The following ELL variants were observed in gnomAD, a reference collection of about 807,000 sequenced individuals.
ELL encodes elongation factor for RNA polymerase II, also known as RNA polymerase II elongation factor ELL.
ELL carries 18 observed loss-of-function variants against 64.0 expected under a neutral mutation model. The ratio of observed to expected loss-of-function variants is 0.28; its 90% CI spans 0.19 to 0.42. The LOEUF is 0.42. Among genes scored for constraint, ELL ranks in the 10% least tolerant of loss-of-function variants. The probability of loss-of-function intolerance (pLI) is 1.00; values close to 1 mark genes in which losing one functional copy is unlikely to be tolerated. For missense variants in ELL, 797 were observed against 870.4 expected (o/e 0.92, Z 1.06); for synonymous variants, 399 against 376.2 (o/e 1.06, Z -0.70).
At chr19:18,498,873 C>G (rs561669667) in intron 1 of ELL, among the ~76,000 whole-genome samples, 1 of 152,154 alleles carries the variant, frequency 6.6e-6, no homozygotes, top group Non-Finnish European at 1.5e-5. Context: ...TCGCTTGAAA[C>G]CAGGAGGCAG....
chr19:18,451,663 C>T lies in ELL; in HGVS notation c.870-15G>A. 6.7e-7 allele frequency: 1 copy of T among 1,488,718 alleles called. No homozygotes were observed. Among genetic ancestry groups the T allele is most frequent in the Non-Finnish European group, 8.9e-7 (1 of 1,127,232 alleles). The allele number at this position is 1,488,718 out of a possible 1,614,324, so 92.2% of individuals were successfully genotyped here. ...GGCACAGCTTCCTGCGAAGGAGAGG[C>T]AGGGCTAGGTCAGAAGGTGCTGAGG... On this transcript the variant is annotated splice_polypyrimidine_tract_variant and intron_variant, in intron 6 of 11. Coordinates refer to ENST00000262809, the MANE Select transcript of ELL (RefSeq NM_006532.4).
chr19:18,463,325 CTTTTTTTTTT>C (rs34610795), intron 4 of ELL, among the ~76,000 whole-genome samples: 5 of 73,250 alleles, frequency 6.8e-5, no homozygotes, highest in African/African-American at 8.5e-5. Flanking sequence ...ACATTCACAT[CTTTTTTTTTT>C]TTTTTTTTTT....
At chr19:18,482,371 G>A (rs960269763) in intron 1 of ELL, among the ~76,000 whole-genome samples, 13 of 128,052 alleles carry the variant, frequency 1.0e-4, no homozygotes, top group African/African-American at 4.0e-4. Context: ...AGGCTGAAGT[G>A]CAGTGGTGTG....
chr19:18,446,789 G>A lies in ELL; in HGVS notation c.1491C>T (p.Ser497=). The part of the protein sequence containing the change: ...TPGLNGTCSV[S]SVPTSTSETP... ...TCTCCGACGTGGACGTGGGAACACT[G>A]GAAACGCTGCAGGTTCCGTTTAAAC... The change falls in exon 9 of 12, where the codon TCC becomes TCT. Residue 497 remains serine (S), a synonymous_variant. Transcript: ENST00000262809. 1 of 1,614,108 alleles carries A rather than the reference G, an allele frequency of 6.2e-7. No individual in the cohort carries two copies. The highest frequency in any genetic ancestry group is 8.5e-7 in the Non-Finnish European group (1 of 1,180,030).
intron 1 of ELL, among the ~76,000 whole-genome samples, chr19:18,507,930 T>TGCG (rs1975921131): frequency 6.6e-6 from 1 of 152,180 alleles, no homozygotes; most frequent in East Asian, 1.9e-4. Context: ...GCTGACTCCA[T>TGCG]GCGGCAGCTG....
rs767230092 is a variant in ELL at position 18,461,693 on chromosome 19, C to A, written c.629G>T (p.Arg210Leu). The change falls in exon 5 of 12, where the codon CGA becomes CTA. Residue 210 changes from arginine (R) to leucine (L), a missense_variant. Transcript: ENST00000262809. ...SGVSQRPFRD[R>L]VLHLLALRPY... ...CCGTAGTGCCAGGAGGTGCAGCACT[C>A]GGTCACGGAAGGGCCTCTGGGACAC... 1 of 1,613,414 alleles carries A rather than the reference C, an allele frequency of 6.2e-7. No individual in the cohort carries two copies. The highest frequency in any genetic ancestry group is 8.5e-7 in the Non-Finnish European group (1 of 1,179,974).
chr19:18,479,534 C>T lies in ELL; in HGVS notation c.136-6652G>A, dbSNP rs537610521. 5.3e-5 allele frequency among the ~76,000 whole-genome samples: 8 copies of T among 151,998 alleles called. No homozygotes were observed. The South Asian group carries it at 1.7e-3, about 32-fold the overall frequency. On this transcript the variant is annotated intron_variant, in intron 1 of 11. Transcript: ENST00000262809. ...GACCAGCCTGACCAACATGGTGAAA[C>T]TCCATCTCTACTAAAAATACAAAAA...
At chr19:18,453,970 T>C (rs1016596767) in intron 6 of ELL, among the ~76,000 whole-genome samples, 2 of 152,264 alleles carry the variant, frequency 1.3e-5, no homozygotes, top group Admixed American at 1.3e-4. Context: ...GGCAAATCAA[T>C]AGAGACAGAA....
chr19:18,481,617 CAGA>C (rs1975300933), intron 1 of ELL, among the ~76,000 whole-genome samples: 1 of 152,162 alleles, frequency 6.6e-6, no homozygotes, highest in Non-Finnish European at 1.5e-5. Context: ...CCTTTTTCCA[CAGA>C]AGGTTACACT....
intron 1 of ELL, among the ~76,000 whole-genome samples, chr19:18,519,990 G>A (rs914570479): frequency 6.6e-5 from 10 of 152,082 alleles, no homozygotes; most frequent in Non-Finnish European, 1.5e-4. Context: ...TCAACACACT[G>A]CCCTACACAG....
intron 5 of ELL, 54 bp downstream of exon 5, chr19:18,461,524 C>T (rs1284596864): frequency 1.3e-6 from 2 of 1,550,260 alleles, no homozygotes; most frequent in East Asian, 2.3e-5. Flanking sequence ...CCCACCCGCA[C>T]AAGACCATCT....
In ELL at chr19:18,487,204, T is replaced by C. The variant is rs528426893; in HGVS notation, c.136-14322A>G. Among the ~76,000 whole-genome samples, 71 of 152,172 alleles carry C rather than the reference T, an allele frequency of 4.7e-4. No homozygotes were observed. In the South Asian group the frequency reaches 7.3e-3, roughly 16 times the overall value. ...GGCTGGCATTCCCCATAAAAACCCATTGAGGGCTCCAGAGGCTTCTGGGAA... is the reference window on the plus strand; with the variant it reads ...GGCTGGCATTCCCCATAAAAACCCACTGAGGGCTCCAGAGGCTTCTGGGAA... On this transcript the variant is annotated intron_variant, in intron 1 of 11. Coordinates refer to ENST00000262809, the MANE Select transcript of ELL (RefSeq NM_006532.4).
chr19:18,461,784 T>C lies in ELL; in HGVS notation c.538A>G (p.Thr180Ala), dbSNP rs764857219. Residue 180 changes from threonine (T) to alanine (A), a missense_variant, in exon 5 of 12, where the codon ACC becomes GCC. Physicochemically the swap from Thr to Ala is moderately conservative, Grantham distance 58 (BLOSUM62 0). Coordinates refer to ENST00000262809, the MANE Select transcript of ELL (RefSeq NM_006532.4). Reference sequence around the variant, plus strand: ...ATGGCACTCGCCAAGTTGATGGGGGTTGCCCGCTTCCGGGAGGGCACCGCG... The same window carrying C: ...ATGGCACTCGCCAAGTTGATGGGGGCTGCCCGCTTCCGGGAGGGCACCGCG... The part of the protein sequence containing the change: ...TDAVPSRKRA[T>A]PINLASAIRK... 3.7e-6 allele frequency: 6 copies of C among 1,614,072 alleles called. No homozygotes were observed. The highest frequency in any genetic ancestry group is 3.3e-4 in the Middle Eastern group (2 of 6,062).
In ELL at chr19:18,472,377, G is replaced by A. The variant is rs74180886; in HGVS notation, c.183+458C>T. 1.9e-3 allele frequency: 300 copies of A among 159,744 alleles called. 1 individual carries two copies. Among genetic ancestry groups the A allele is most frequent in the Non-Finnish European group, 2.4e-3 (173 of 73,416 alleles). The allele number at this position is 159,744 out of a possible 1,614,324, so 9.9% of individuals were successfully genotyped here. A position where few individuals can be genotyped will look rare whatever the true frequency, so the allele number is the denominator to read the frequency against. ...GGCATTAGATTCTCATAAGGAGCAC[G>A]CAACCTAGATCCCTGGCATGCGCAG... On this transcript the variant is annotated intron_variant, in intron 2 of 11. Transcript: ENST00000262809.
At chr19:18,462,366 TGGGCG>T (rs1445099974) in intron 4 of ELL, among the ~76,000 whole-genome samples, 3 of 31,220 alleles carry the variant, frequency 9.6e-5, no homozygotes, top group African/African-American at 4.4e-4. Context: ...TGTGTGTGTT[TGGGCG>T]GGGGGCGGGG....
intron 2 of ELL, among the ~76,000 whole-genome samples, chr19:18,468,371 G>C (rs1357936291): frequency 6.6e-6 from 1 of 152,202 alleles, no homozygotes; most frequent in African/African-American, 2.4e-5. Context: ...ACGCCACTGA[G>C]GTGTTTTTTC....
At chr19:18,511,787 G>A (rs532772995) in intron 1 of ELL, among the ~76,000 whole-genome samples, 3 of 152,246 alleles carry the variant, frequency 2.0e-5, no homozygotes, top group African/African-American at 7.2e-5. Flanking sequence ...GGGAGGCTGA[G>A]GTTGGAGGAC....
intron 1 of ELL, among the ~76,000 whole-genome samples, chr19:18,478,154 C>G (rs1441627814): frequency 2.0e-5 from 3 of 152,280 alleles, no homozygotes; most frequent in Middle Eastern, 3.4e-3. Flanking sequence ...TGTGGCCCAC[C>G]ACACCCTCTT....
chr19:18,521,953 G>A lies in ELL; in HGVS notation c.103C>T (p.Leu35=), dbSNP rs1316943406. 1.2e-5 allele frequency: 19 copies of A among 1,609,260 alleles called. No homozygotes were observed. The African/African-American group carries it at 1.6e-4, about 14-fold the overall frequency. ...GCGCGGTAGCTCTCGAAGGCCCTCA[G>A]GGCACTGTCGGTGAGCTTCACGTGG... ...VFHVKLTDSA[L]RAFESYRARQ... is the part of the protein sequence containing the mutation. The change falls in exon 1 of 12, where the codon CTG becomes TTG. Residue 35 remains leucine (L), a synonymous_variant. Transcript: ENST00000262809.
Sources: gnomAD v4.1 joint callset for allele counts (sites outside exome capture counted in the v4.1 genomes callset) on GRCh38, gnomAD v4.1.1 for gene constraint, MANE v1.5 for transcripts, NCBI Gene and HGNC (gene_info 2026-07-23, HGNC 2026-07-21) for gene names.